Variants in ARMH3 observed in about 807,000 individuals in gnomAD.
The protein encoded by ARMH3 is armadillo like helical domain containing 3.
In ARMH3, 60 loss-of-function variants were observed where a neutral mutation model predicts 99.1. That is an observed-to-expected ratio of 0.61 (90% CI 0.49 to 0.75). The LOEUF (loss-of-function observed/expected upper bound fraction) is 0.75. Ranked by LOEUF, ARMH3 falls within the 30% of genes least tolerant of loss-of-function variation. ARMH3 has a pLI of 0.00. For missense variants in ARMH3, 679 were observed against 843.1 expected, an observed-to-expected ratio of 0.81 and a Z score of 2.41; for synonymous variants, 285 against 292.8, an observed-to-expected ratio of 0.97 and a Z score of 0.27.
intron 20 of ARMH3, among the ~76,000 whole-genome samples, chr10:101,970,318 A>G (rs1845710597): frequency 6.6e-6 from 1 of 152,178 alleles, no homozygotes; most frequent in Non-Finnish European, 1.5e-5. Context: ...AATCAAATAA[A>G]CTAAGGTGGA....
intron 5 of ARMH3, among the ~76,000 whole-genome samples, chr10:102,028,202 T>G (rs532054985): frequency 2.9e-4 from 44 of 152,156 alleles, no homozygotes; most frequent in African/African-American, 9.9e-4. Flanking sequence ...AAATATAGAG[T>G]TACCATGTGA....
At chr10:101,982,694 C>G (rs1325154197) in intron 19 of ARMH3, among the ~76,000 whole-genome samples, 1 of 152,118 alleles carries the variant, frequency 6.6e-6, no homozygotes, top group Non-Finnish European at 1.5e-5. Context: ...CTCATAGGAG[C>G]ACAAACCCTA....
chr10:102,020,420 T>G (rs2066855739), intron 8 of ARMH3, among the ~76,000 whole-genome samples: 1 of 151,876 alleles, frequency 6.6e-6, no homozygotes, highest in African/African-American at 2.4e-5. Context: ...CTCACACCTA[T>G]AATCCAAGCA....
At chr10:102,008,914 T>C (rs1351237678) in intron 13 of ARMH3, among the ~76,000 whole-genome samples, 2 of 152,108 alleles carry the variant, frequency 1.3e-5, no homozygotes, top group African/African-American at 4.8e-5. Context: ...AACCACGTTA[T>C]CTGTTAACAG....
intron 24 of ARMH3, among the ~76,000 whole-genome samples, chr10:101,876,904 AC>A (rs1309686918): frequency 6.6e-6 from 1 of 152,098 alleles, no homozygotes; most frequent in African/African-American, 2.4e-5. Flanking sequence ...GTCTCCAGTA[AC>A]CTCTTCAAAA....
chr10:101,883,078 T>C (rs2067456515), intron 24 of ARMH3, among the ~76,000 whole-genome samples: 1 of 152,192 alleles, frequency 6.6e-6, no homozygotes, highest in African/African-American at 2.4e-5. Flanking sequence ...GCATTTCTAA[T>C]ATGATGCAGC....
chr10:102,001,171 T>C (rs550027425), intron 15 of ARMH3, among the ~76,000 whole-genome samples: 27 of 152,250 alleles, frequency 1.8e-4, no homozygotes, highest in Admixed American at 1.7e-3. Flanking sequence ...AAATAGTACA[T>C]TTAAATATGG....
At chr10:101,951,551 A>G (rs975798212) in intron 22 of ARMH3, among the ~76,000 whole-genome samples, 1 of 152,132 alleles carries the variant, frequency 6.6e-6, no homozygotes, top group Non-Finnish European at 1.5e-5. Context: ...AGCCTGGGTG[A>G]CAGAGCAAGA....
chr10:101,944,028 C>T (rs1430818302), intron 22 of ARMH3, among the ~76,000 whole-genome samples: 1 of 144,514 alleles, frequency 6.9e-6, no homozygotes, highest in East Asian at 2.0e-4. Context: ...CCTGCCACTG[C>T]ACTCCAGCCT....
intron 1 of ARMH3, among the ~76,000 whole-genome samples, chr10:102,041,376 A>T (rs1357533611): frequency 6.6e-6 from 1 of 151,958 alleles, no homozygotes; most frequent in East Asian, 1.9e-4. Context: ...ATCTCATCCA[A>T]TGACAAGTAT....
chr10:101,906,327 G>A (rs776374933), intron 23 of ARMH3, among the ~76,000 whole-genome samples: 1 of 152,290 alleles, frequency 6.6e-6, no homozygotes, highest in Non-Finnish European at 1.5e-5. Context: ...TTTATTAGCT[G>A]TTGCCAAACT....
chr10:101,901,036 G>C (rs989997311), intron 23 of ARMH3, among the ~76,000 whole-genome samples: 1 of 151,726 alleles, frequency 6.6e-6, no homozygotes, highest in Non-Finnish European at 1.5e-5. Flanking sequence ...TGAGGAAGGA[G>C]GGAAATATTC....
rs530122354 is a variant in ARMH3 at position 101,898,007 on chromosome 10, G to C, written c.1782-8517C>G. Among the ~76,000 whole-genome samples, 4 of 152,252 alleles carry C rather than the reference G, an allele frequency of 2.6e-5. No individual in the cohort carries two copies. In the South Asian group the frequency reaches 8.3e-4, roughly 32 times the overall value. ...CCCAAGTGCCGGGTGGTTGTTAACT[G>C]AGACACATAGTTAATGTCGAACTTG... is the stretch of plus-strand genomic sequence containing the variant. On this transcript the variant is annotated intron_variant, in intron 23 of 25. Transcript: ENST00000370033.
At chr10:101,904,970 A>G (rs1361261766) in intron 23 of ARMH3, among the ~76,000 whole-genome samples, 1 of 151,826 alleles carries the variant, frequency 6.6e-6, no homozygotes, top group African/African-American at 2.4e-5. Context: ...AAAAAAAGAA[A>G]GAAAGAAAAA....
intron 5 of ARMH3, among the ~76,000 whole-genome samples, chr10:102,027,569 T>G (rs750080709): frequency 1.3e-5 from 2 of 151,970 alleles, no homozygotes; most frequent in East Asian, 3.9e-4. Flanking sequence ...GAAGTACTTA[T>G]GGGATGTGTC....
chr10:102,041,090 A>ATATATAATAT lies in ARMH3; in HGVS notation c.-11-966_-11-965insATATTATATA, dbSNP rs1554897209. On this transcript the variant is annotated intron_variant, in intron 1 of 25. Coordinates refer to ENST00000370033, the MANE Select transcript of ARMH3 (RefSeq NM_024541.3). The stretch of plus-strand genomic sequence containing the variant: ...ATTGTGTGTACATATATATATATAT[A>ATATATAATAT]ATATATATATATATATATATATGTA... 1.8e-3 allele frequency among the ~76,000 whole-genome samples: 233 copies of ATATATAATAT among 132,616 alleles called. 3 individuals carry two copies. In the East Asian group the frequency reaches 0.023, roughly 13 times the overall value. 87.0% of individuals were successfully genotyped at this position (132,616 alleles called of 152,430 possible).
intron 23 of ARMH3, among the ~76,000 whole-genome samples, chr10:101,929,481 T>C (rs1843633848): frequency 6.6e-6 from 1 of 152,232 alleles, no homozygotes; most frequent in Non-Finnish European, 1.5e-5. Context: ...GAGTCCTGTT[T>C]CTAGTGAGTC....
chr10:102,022,364 C>T (rs530909760), intron 8 of ARMH3, among the ~76,000 whole-genome samples: 7 of 150,634 alleles, frequency 4.6e-5, no homozygotes, highest in South Asian at 2.1e-4. Flanking sequence ...TGGTGGTGGG[C>T]GCCTGTAGTC....
At chr10:101,890,364 C>A (rs1420668748) in intron 23 of ARMH3, among the ~76,000 whole-genome samples, 1 of 152,054 alleles carries the variant, frequency 6.6e-6, no homozygotes, top group African/African-American at 2.4e-5. Context: ...CCACCTAAGC[C>A]TCCCTAGCAG....
Sources: allele counts gnomAD v4.1 joint callset (sites outside exome capture counted in the v4.1 genomes callset), GRCh38; gene constraint gnomAD v4.1.1; transcripts MANE v1.5; gene names NCBI Gene and HGNC (gene_info 2026-07-23, HGNC 2026-07-21).